SOX5: variants seen among roughly 807,000 people sequenced by gnomAD.
The protein encoded by SOX5 is SRY-box transcription factor 5.
A neutral mutation model predicts 92.0 loss-of-function variants in SOX5; 9 were observed. The ratio of observed to expected loss-of-function variants is 0.10; its 90% CI spans 0.06 to 0.17. The LOEUF is 0.17. Among genes scored for constraint, SOX5 ranks in the 10% least tolerant of loss-of-function variants. The pLI is 1.00. For missense variants in SOX5, 642 were observed against 944.5 expected (o/e 0.68, Z 4.20); for synonymous variants, 344 against 336.3 (o/e 1.02, Z -0.25).
At chr12:23,593,774 G>A (rs1177386553) in intron 9 of SOX5, among the ~76,000 whole-genome samples, 1 of 151,942 alleles carries the variant, frequency 6.6e-6, no homozygotes, top group Admixed American at 6.6e-5. Context: ...TGTTAAGCAG[G>A]TGGCGTTGCA....
chr12:24,510,558 G>C (rs1443707455), intron 1 of SOX5, among the ~76,000 whole-genome samples: 1 of 152,170 alleles, frequency 6.6e-6, no homozygotes, highest in Non-Finnish European at 1.5e-5. Flanking sequence ...TAAGTAGGTA[G>C]AACACAGATC....
At chr12:23,945,343 AG>A (rs1362526270) in intron 1 of SOX5, among the ~76,000 whole-genome samples, 1 of 152,184 alleles carries the variant, frequency 6.6e-6, no homozygotes. Flanking sequence ...ACATAAGATA[AG>A]GACACACCAA....
chr12:24,020,282 C>T (rs944422111), intron 4 of SOX5, among the ~76,000 whole-genome samples: 3 of 152,096 alleles, frequency 2.0e-5, no homozygotes, highest in African/African-American at 7.2e-5. Context: ...AATTGTGACT[C>T]GAGTAATCCC....
At chr12:24,298,470 T>C (rs1947546850) in intron 2 of SOX5, among the ~76,000 whole-genome samples, 1 of 152,214 alleles carries the variant, frequency 6.6e-6, no homozygotes, top group Admixed American at 6.5e-5. Context: ...CGGGTATGTA[T>C]TCCTAATATT....
At chr12:24,369,504 G>A (rs1956507394) in intron 1 of SOX5, among the ~76,000 whole-genome samples, 1 of 152,194 alleles carries the variant, frequency 6.6e-6, no homozygotes, top group Middle Eastern at 3.2e-3. Context: ...TGTTCATACT[G>A]TCACACATCG....
rs762154045 is a variant in SOX5 at position 23,554,124 on chromosome 12, T to TA, written c.1489-7701dup. On this transcript the variant is annotated intron_variant, in intron 11 of 14. Coordinates refer to ENST00000451604, the MANE Select transcript of SOX5 (RefSeq NM_006940.6). The stretch of plus-strand genomic sequence containing the variant: ...TTAGAATAGATATTTTAAATCTCCT[T>TA]ATAATGAATAGCTGAAACTTCGTCA... 3.3e-5 allele frequency among the ~76,000 whole-genome samples: 5 copies of TA among 152,072 alleles called. No individual in the cohort carries two copies. The South Asian group carries it at 8.3e-4, about 25-fold the overall frequency.
At chr12:24,559,229 C>T (rs887309583) in intron 1 of SOX5, among the ~76,000 whole-genome samples, 5 of 152,184 alleles carry the variant, frequency 3.3e-5, no homozygotes, top group African/African-American at 9.7e-5. Flanking sequence ...ATGCATTTGA[C>T]TTCAGGCCTA....
intron 2 of SOX5, among the ~76,000 whole-genome samples, chr12:23,850,366 T>C (rs986379405): frequency 2.7e-5 from 4 of 150,874 alleles, no homozygotes; most frequent in African/African-American, 9.8e-5. Context: ...AAGGTGGAGA[T>C]TGCAGAGAGC....
chr12:24,380,196 G>A (rs1957687418), intron 1 of SOX5, among the ~76,000 whole-genome samples: 1 of 152,156 alleles, frequency 6.6e-6, no homozygotes, highest in Non-Finnish European at 1.5e-5. Context: ...GCTAACATAG[G>A]GGCAAAGTTG....
intron 2 of SOX5, among the ~76,000 whole-genome samples, chr12:24,281,324 T>G (rs1375081142): frequency 4.6e-5 from 7 of 151,568 alleles, no homozygotes; most frequent in Non-Finnish European, 8.8e-5. Flanking sequence ...TATAATAGAC[T>G]CTACGGAAAG....
At chr12:23,547,987 G>T (rs1396654091) in intron 11 of SOX5, among the ~76,000 whole-genome samples, 1 of 152,046 alleles carries the variant, frequency 6.6e-6, no homozygotes, top group Non-Finnish European at 1.5e-5. Context: ...AAATGTAGCT[G>T]TTAAAACAAA....
intron 4 of SOX5, among the ~76,000 whole-genome samples, chr12:24,175,044 T>C (rs754883622): frequency 3.3e-5 from 5 of 152,202 alleles, no homozygotes; most frequent in Non-Finnish European, 7.3e-5. Context: ...ACCTCAAAGC[T>C]CAGAAGTGTA....
rs1951327916 is a variant in SOX5, at chr12:24,533,032, A to G, written c.-251+29297T>C. Among the ~76,000 whole-genome samples, 4 of 152,234 alleles carry G rather than the reference A, an allele frequency of 2.6e-5. No individual in the cohort carries two copies. In the South Asian group the frequency reaches 8.3e-4, roughly 31 times the overall value. ...GCAAGGTAAATTGATTTAGAAGTCT[A>G]TATCCTCAATGAATTTCTAACTTTT... is the stretch of plus-strand genomic sequence containing the variant. On this transcript the variant is annotated intron_variant, in intron 1 of 4. Coordinates refer to the SOX5 transcript ENST00000446891.
chr12:23,900,786 C>T (rs570631510), intron 1 of SOX5, among the ~76,000 whole-genome samples: 2 of 152,080 alleles, frequency 1.3e-5, no homozygotes, highest in South Asian at 4.2e-4. Context: ...ATGGTGAAAC[C>T]CCATCTCTAC....
chr12:23,546,910 T>A (rs1943242252), intron 11 of SOX5, among the ~76,000 whole-genome samples: 1 of 152,158 alleles, frequency 6.6e-6, no homozygotes, highest in African/African-American at 2.4e-5. Flanking sequence ...GCATTCCTCA[T>A]GCAAGGGTAA....
intron 2 of SOX5, among the ~76,000 whole-genome samples, chr12:24,364,452 C>T (rs1186686713): frequency 6.7e-6 from 1 of 148,532 alleles, no homozygotes; most frequent in African/African-American, 2.5e-5. Flanking sequence ...CCTTAACCTA[C>T]ACCCTTAAAA....
intron 7 of SOX5, among the ~76,000 whole-genome samples, chr12:23,652,959 G>C (rs2081810045): frequency 6.6e-6 from 1 of 151,922 alleles, no homozygotes; most frequent in Non-Finnish European, 1.5e-5. Context: ...GGGAACAAGA[G>C]AAGCATGCTT....
intron 4 of SOX5, among the ~76,000 whole-genome samples, chr12:24,058,733 G>A (rs73072159): frequency 0.01 from 1,535 of 152,130 alleles, 14 homozygotes; most frequent in Non-Finnish European, 0.014. Context: ...TTTTACTCTA[G>A]GTAAAAAGAG....
At chr12:23,679,346 C>T (rs1384902301) in intron 6 of SOX5, among the ~76,000 whole-genome samples, 5 of 152,072 alleles carry the variant, frequency 3.3e-5, no homozygotes, top group Admixed American at 6.6e-5. Context: ...GGTGAGGATA[C>T]CAGGACATTT....
Sources: gnomAD v4.1 joint callset for allele counts (sites outside exome capture counted in the v4.1 genomes callset) on GRCh38, gnomAD v4.1.1 for gene constraint, MANE v1.5 for transcripts, NCBI Gene and HGNC (gene_info 2026-07-23, HGNC 2026-07-21) for gene names.